The following SECISBP2L variants were observed in gnomAD, a reference collection of about 807,000 sequenced individuals.
SECISBP2L encodes SECIS binding protein 2 like.
Under a neutral mutation model 114.7 loss-of-function variants are expected in SECISBP2L, and 43 were observed. The observed-to-expected ratio is 0.38, with a 90% CI of 0.29 to 0.48. The LOEUF is 0.48. Among genes scored for constraint, SECISBP2L ranks in the 20% least tolerant of loss-of-function variants. The pLI, the probability that SECISBP2L is intolerant of heterozygous loss-of-function variation, is 0.98. For missense variants in SECISBP2L, 1,136 were observed against 1,301.1 expected, an observed-to-expected ratio of 0.87 and a Z score of 1.95; for synonymous variants, 451 against 439.7, an observed-to-expected ratio of 1.03 and a Z score of -0.32.
At chr15:49,014,689 A>C (rs1279436293) in intron 11 of SECISBP2L, among the ~76,000 whole-genome samples, 1 of 150,918 alleles carries the variant, frequency 6.6e-6, no homozygotes, top group East Asian at 1.9e-4. Flanking sequence ...CCTTTTCTTG[A>C]ACATGTGTAT....
Position 49,012,014 on chromosome 15 carries a change from G to C in SECISBP2L, c.1732-151C>G, listed in dbSNP as rs1001608673. 4.0e-6 allele frequency: 3 copies of C among 753,392 alleles called. No individual in the cohort carries two copies. The African/African-American group carries it at 5.3e-5, about 13-fold the overall frequency. 46.7% of individuals were successfully genotyped at this position (753,392 alleles called of 1,614,324 possible). On this transcript the variant is annotated intron_variant, in intron 12 of 17. Transcript: ENST00000559471. ...TGGCAAAAAGGCAAATGTAATTTCA[G>C]ACACTGTAAGTTGAAGGAAGTACTG...
At chr15:49,004,458 C>G (rs1253744575) in intron 14 of SECISBP2L, among the ~76,000 whole-genome samples, 1 of 151,994 alleles carries the variant, frequency 6.6e-6, no homozygotes, top group African/African-American at 2.4e-5. Flanking sequence ...TTAGTTATTT[C>G]TTGTCTTCTG....
chr15:49,021,242 C>A (rs956601138), intron 7 of SECISBP2L, among the ~76,000 whole-genome samples: 1 of 152,114 alleles, frequency 6.6e-6, no homozygotes, highest in African/African-American at 2.4e-5. Flanking sequence ...TTGGACTTCC[C>A]ACCCTCCAGA....
chr15:49,034,861 G>A (rs1902973253), intron 3 of SECISBP2L, among the ~76,000 whole-genome samples: 3 of 151,678 alleles, frequency 2.0e-5, no homozygotes, highest in Non-Finnish European at 2.9e-5. Flanking sequence ...ATGGGGTTTC[G>A]CATGTTGCCC....
Position 49,033,042 on chromosome 15 carries a change from G to C in SECISBP2L, c.587C>G (p.Thr196Ser). The C allele has an allele frequency of 6.2e-7, 1 of 1,613,938 alleles. No individual in the cohort carries two copies. The highest frequency in any genetic ancestry group is 8.5e-7 in the Non-Finnish European group (1 of 1,179,974). Residue 196 changes from threonine to serine, a missense_variant, in exon 4 of 18, where the codon ACT (threonine) becomes AGT (serine). Thr to Ser is a moderately conservative substitution (Grantham distance 58, BLOSUM62 1). Around this residue, in one of 2 missense-constraint regions of SECISBP2L, gnomAD observed 452 missense variants for 452.3 expected, o/e 1.00. Transcript: ENST00000559471. ...SKRPLVKNVA[T>S]QKETNAAGPD... Reference sequence around the variant, plus strand: ...ACCTGCTGCATTTGTTTCTTTCTGAGTAGCTACATTTTTCACCAGCGGCCT... The same window carrying C: ...ACCTGCTGCATTTGTTTCTTTCTGACTAGCTACATTTTTCACCAGCGGCCT...
intron 1 of SECISBP2L, among the ~76,000 whole-genome samples, chr15:49,039,518 TTTTTTTCTTTC>T (rs1903078008): frequency 6.6e-6 from 1 of 151,848 alleles, no homozygotes; most frequent in Non-Finnish European, 1.5e-5. Context: ...GGATTTCTTT[TTTTTTTCTTTC>T]TTTTTTTTTT....
At chr15:49,032,690 C>T (rs1902917312) in intron 4 of SECISBP2L, among the ~76,000 whole-genome samples, 1 of 152,116 alleles carries the variant, frequency 6.6e-6, no homozygotes, top group Non-Finnish European at 1.5e-5. Flanking sequence ...ACAGTATCTG[C>T]AAAATTCCAT....
In SECISBP2L at chr15:48,992,135, T is replaced by G. The variant is rs547209477; in HGVS notation, c.*109A>C. 9.8e-7 allele frequency: 1 copy of G among 1,019,560 alleles called. No homozygotes were observed. Among genetic ancestry groups the G allele is most frequent in the Admixed American group, 2.7e-5 (1 of 37,406 alleles). 63.2% of individuals were successfully genotyped at this position (1,019,560 alleles called of 1,614,324 possible). ...AAGCTACAAAAATATTTGTTGGGAA[T>G]TAAATACGTATATTAAATACTGGAC... On this transcript the variant is annotated 3_prime_UTR_variant, in exon 18 of 18. Coordinates refer to ENST00000559471, the MANE Select transcript of SECISBP2L (RefSeq NM_001193489.2).
intron 7 of SECISBP2L, among the ~76,000 whole-genome samples, chr15:49,020,373 T>C (rs1320517761): frequency 6.6e-6 from 1 of 151,718 alleles, no homozygotes; most frequent in Non-Finnish European, 1.5e-5. Flanking sequence ...ACCCAGCTAA[T>C]TGTTTTATTT....
intron 17 of SECISBP2L, among the ~76,000 whole-genome samples, chr15:48,995,054 T>C (rs1478135525): frequency 6.6e-6 from 1 of 152,098 alleles, no homozygotes; most frequent in African/African-American, 2.4e-5. Flanking sequence ...AAGGCTTCAA[T>C]CTTTGAACAC....
rs1428147654 is a variant in SECISBP2L at position 49,035,809 on chromosome 15, T to C, written c.204-151A>G. 7 of 701,026 alleles carry C rather than the reference T, an allele frequency of 1.0e-5. No individual in the cohort carries two copies. In the East Asian group the frequency reaches 1.4e-4, roughly 14 times the overall value. The allele number at this position is 701,026 out of a possible 1,614,324, so 43.4% of individuals were successfully genotyped here. A position where few individuals can be genotyped will look rare whatever the true frequency, so the allele number is the denominator to read the frequency against. On this transcript the variant is annotated intron_variant, in intron 2 of 17. Transcript: ENST00000559471. ...AGGAGACAAAACTATCATCATCTTA[T>C]AAATTTCTTTGCTATAGAGATCATT...
intron 2 of SECISBP2L, 147 bp downstream of exon 2, chr15:49,037,444 A>G: frequency 1.5e-6 from 1 of 676,648 alleles, no homozygotes; most frequent in Non-Finnish European, 2.4e-6. Flanking sequence ...CCATATCAAC[A>G]ATTTCCAAAT....
chr15:48,995,156 A>T (rs1400635793), intron 17 of SECISBP2L, among the ~76,000 whole-genome samples: 1 of 151,984 alleles, frequency 6.6e-6, no homozygotes, highest in Non-Finnish European at 1.5e-5. Context: ...ATCATTTGTT[A>T]CTCTGTCATC....
intron 7 of SECISBP2L, among the ~76,000 whole-genome samples, chr15:49,021,404 C>CAA (rs1007224302): frequency 1.8e-4 from 27 of 152,182 alleles, no homozygotes; most frequent in African/African-American, 6.0e-4. Flanking sequence ...CATTCTAAGA[C>CAA]TCTTAAGACA....
chr15:49,039,376 T>C (rs1401330022), intron 1 of SECISBP2L, among the ~76,000 whole-genome samples: 2 of 151,886 alleles, frequency 1.3e-5, no homozygotes, highest in Non-Finnish European at 2.9e-5. Flanking sequence ...ATTTCCCCAA[T>C]TAGGAAAAAG....
At chr15:49,044,323 G>T (rs1903199522) in intron 1 of SECISBP2L, among the ~76,000 whole-genome samples, 1 of 152,102 alleles carries the variant, frequency 6.6e-6, no homozygotes, top group African/African-American at 2.4e-5. Context: ...AAAGAATCAA[G>T]AATTCCACAA....
At chr15:49,001,155 A>G in intron 14 of SECISBP2L, 58 bp from the exon 15 acceptor site, 2 of 1,067,160 alleles carry the variant, frequency 1.9e-6, no homozygotes, top group South Asian at 3.2e-5. Context: ...TATAGTTATA[A>G]AACTGCATTA....
intron 16 of SECISBP2L, among the ~76,000 whole-genome samples, chr15:48,997,821 A>T (rs1009074532): frequency 1.3e-5 from 2 of 152,204 alleles, no homozygotes; most frequent in Non-Finnish European, 2.9e-5. Flanking sequence ...GTGAGCCGAG[A>T]TCATGCCATT....
chr15:49,041,513 T>C (rs1009466172), intron 1 of SECISBP2L, among the ~76,000 whole-genome samples: 3 of 152,200 alleles, frequency 2.0e-5, no homozygotes, highest in Non-Finnish European at 4.4e-5. Flanking sequence ...GAAAGAGCAC[T>C]GTGCTGGACT....
Sources: allele counts gnomAD v4.1 joint callset (sites outside exome capture counted in the v4.1 genomes callset), GRCh38; gene constraint gnomAD v4.1.1; regional missense constraint gnomAD v4.1.1; transcripts MANE v1.5; gene names NCBI Gene and HGNC (gene_info 2026-07-23, HGNC 2026-07-21).